Variants in BACH2 observed in about 807,000 individuals in gnomAD.
BACH2 encodes the protein BACH transcriptional regulator 2.
In BACH2, 5 loss-of-function variants were observed where a neutral mutation model predicts 61.8. The observed-to-expected ratio is 0.08, with a 90% CI of 0.04 to 0.17. The LOEUF is 0.17. BACH2 is among the 10% of genes least tolerant of loss of function. BACH2 has a pLI of 1.00. For missense variants in BACH2, 824 were observed against 1,091.1 expected (o/e 0.76, Z 3.45); for synonymous variants, 446 against 440.1 (o/e 1.01, Z -0.17).
chr6:90,145,626 A>G (rs1307854471), intron 4 of BACH2, among the ~76,000 whole-genome samples: 2 of 152,204 alleles, frequency 1.3e-5, no homozygotes, highest in Admixed American at 1.3e-4. Flanking sequence ...TTCTGCAGAT[A>G]TATCCTTTAA....
intron 4 of BACH2, among the ~76,000 whole-genome samples, chr6:90,133,016 A>ATT (rs1784129222): frequency 6.6e-6 from 1 of 152,234 alleles, no homozygotes; most frequent in Non-Finnish European, 1.5e-5. Context: ...TCACTTGGTG[A>ATT]TAAGTAGAGT....
In BACH2 at chr6:89,950,298, GACTC is replaced by G; in HGVS notation, c.1804_1807del (p.Glu602ArgfsTer11). Reference sequence around the variant, plus strand: ...CTGGCCCCTGTCCTGCACAGGACACGACTCACTGTCTGCTTCCGAGAACGATCCG... The same window carrying G: ...CTGGCCCCTGTCCTGCACAGGACACGACTGTCTGCTTCCGAGAACGATCCG... On this transcript the variant is annotated frameshift_variant, in exon 7 of 9. Transcript: ENST00000257749. LOFTEE classifies it high-confidence loss of function. This position sits in a 1 kb window ranked among gnomAD's most constrained non-coding sequence, Gnocchi z 5.3. 1 of 1,614,116 alleles carries G rather than the reference GACTC, an allele frequency of 6.2e-7. No individual in the cohort carries two copies. The highest frequency in any genetic ancestry group is 8.5e-7 in the Non-Finnish European group (1 of 1,180,024).
chr6:90,276,492 C>A (rs1227770330), intron 1 of BACH2, among the ~76,000 whole-genome samples: 3 of 152,230 alleles, frequency 2.0e-5, no homozygotes, highest in South Asian at 4.1e-4. Context: ...CCTAGAACTA[C>A]ATTTTCATTC....
chr6:90,291,263 A>G (rs1028050607), intron 1 of BACH2, among the ~76,000 whole-genome samples: 5 of 152,182 alleles, frequency 3.3e-5, no homozygotes, highest in African/African-American at 4.8e-5. Flanking sequence ...TGGATTGGGA[A>G]GATTTATTAT....
At position 89,929,483 on chromosome 6, in the gene BACH2, C is replaced by G. The variant is rs780993242; in HGVS notation, c.*2925G>C. Reference sequence around the variant, plus strand: ...ACATCACATGAACAACTGCACGAAGCTAGTCACTGTTCATGGTGGATTATG... The same window carrying G: ...ACATCACATGAACAACTGCACGAAGGTAGTCACTGTTCATGGTGGATTATG... On this transcript the variant is annotated 3_prime_UTR_variant, in exon 9 of 9. Transcript: ENST00000257749. The G allele has an allele frequency of 2.0e-5, 3 of 152,330 alleles. No homozygotes were observed. Among genetic ancestry groups the G allele is most frequent in the African/African-American group, 7.2e-5 (3 of 41,442 alleles). The allele number at this position is 152,330 out of a possible 1,614,324, so 9.4% of individuals were successfully genotyped here.
At chr6:89,940,932 C>T (rs1773391588) in intron 7 of BACH2, among the ~76,000 whole-genome samples, 1 of 151,544 alleles carries the variant, frequency 6.6e-6, no homozygotes, top group African/African-American at 2.4e-5. Context: ...AGACTAGCCA[C>T]TTTCAGGGGC....
intron 8 of BACH2, among the ~76,000 whole-genome samples, chr6:89,937,774 A>G (rs905656129): frequency 1.3e-5 from 2 of 152,098 alleles, no homozygotes; most frequent in African/African-American, 4.8e-5. Flanking sequence ...CAAGTGATCC[A>G]CCCGCCTTGG....
At chr6:90,067,777 C>T (rs1781034551) in intron 5 of BACH2, among the ~76,000 whole-genome samples, 2 of 152,074 alleles carry the variant, frequency 1.3e-5, no homozygotes, top group Admixed American at 6.5e-5. Flanking sequence ...GTTGCTTCTC[C>T]CCAGGCCAGG....
intron 5 of BACH2, among the ~76,000 whole-genome samples, chr6:90,064,690 G>A (rs1780853303): frequency 6.6e-6 from 1 of 152,174 alleles, no homozygotes; most frequent in Non-Finnish European, 1.5e-5. Context: ...GGATGGTAGA[G>A]CCATAGTTAA....
chr6:90,142,392 C>T (rs1784489418), intron 4 of BACH2, among the ~76,000 whole-genome samples: 1 of 152,204 alleles, frequency 6.6e-6, no homozygotes, highest in South Asian at 2.1e-4. Flanking sequence ...TATGGGGTCA[C>T]ATCTTTAGCT....
chr6:90,026,021 CG>C (rs372506048), intron 5 of BACH2, among the ~76,000 whole-genome samples: 120 of 152,260 alleles, frequency 7.9e-4, no homozygotes, highest in African/African-American at 2.7e-3. Flanking sequence ...ACTTCTTCAT[CG>C]GGTGGGAGGG....
intron 5 of BACH2, among the ~76,000 whole-genome samples, chr6:90,030,636 C>T (rs1450478587): frequency 6.6e-6 from 1 of 152,010 alleles, no homozygotes; most frequent in Non-Finnish European, 1.5e-5. Flanking sequence ...CACATACACC[C>T]TCCCAAGACT....
At chr6:90,206,511 A>G (rs1769152145) in intron 4 of BACH2, 58 bp downstream of exon 4, 1 of 152,380 alleles carries the variant, frequency 6.6e-6, no homozygotes, top group Non-Finnish European at 1.5e-5. Flanking sequence ...TATGTACTCC[A>G]GAAAATCATG....
chr6:90,238,231 CATCT>C lies in BACH2; in HGVS notation c.-275+14278_-275+14281del, dbSNP rs1770323340. Among the ~76,000 whole-genome samples, 8 of 152,254 alleles carry C rather than the reference CATCT, an allele frequency of 5.3e-5. No homozygotes were observed. In the South Asian group the frequency reaches 1.7e-3, roughly 32 times the overall value. On this transcript the variant is annotated intron_variant, in intron 3 of 8. Coordinates refer to ENST00000257749, the MANE Select transcript of BACH2 (RefSeq NM_021813.4). ...TGTTCTCTCTTATCGATCGATCGATCATCTATCTATGTTGGGAAAGCAAATTTAA... is the reference window on the plus strand; with the variant it reads ...TGTTCTCTCTTATCGATCGATCGATCATCTATGTTGGGAAAGCAAATTTAA...
chr6:90,030,782 G>A (rs1778933224), intron 5 of BACH2, among the ~76,000 whole-genome samples: 1 of 151,958 alleles, frequency 6.6e-6, no homozygotes, highest in African/African-American at 2.4e-5. Flanking sequence ...GGTACAAGGA[G>A]GGGCTGGTAC....
At chr6:90,261,125 T>C (rs1234651384) in intron 2 of BACH2, among the ~76,000 whole-genome samples, 3 of 152,170 alleles carry the variant, frequency 2.0e-5, no homozygotes, top group Admixed American at 2.0e-4. Context: ...CCCCTCAAAC[T>C]TCCAACTTTC....
chr6:90,227,991 G>A (rs1391554879), intron 3 of BACH2, among the ~76,000 whole-genome samples: 2 of 152,152 alleles, frequency 1.3e-5, no homozygotes, highest in African/African-American at 4.8e-5. Flanking sequence ...ATCAAGAATT[G>A]TTCCACTTGT....
chr6:89,948,499 T>C (rs556070495), intron 7 of BACH2, among the ~76,000 whole-genome samples: 4 of 152,258 alleles, frequency 2.6e-5, no homozygotes, highest in Non-Finnish European at 5.9e-5. Flanking sequence ...TGAGCCACCA[T>C]GCCCGGCCCC....
chr6:90,249,077 C>A (rs1321681065), intron 3 of BACH2, among the ~76,000 whole-genome samples: 1 of 152,142 alleles, frequency 6.6e-6, no homozygotes, highest in Non-Finnish European at 1.5e-5. Flanking sequence ...TAAACTTTGT[C>A]TTGTAGAATG....
Sources: gnomAD v4.1 joint callset for allele counts (sites outside exome capture counted in the v4.1 genomes callset) on GRCh38, gnomAD v4.1.1 for gene constraint, Gnocchi (gnomAD v3.1) non-coding constraint, MANE v1.5 for transcripts, NCBI Gene and HGNC (gene_info 2026-07-23, HGNC 2026-07-21) for gene names.